Variants in CFAP54 observed in about 807,000 individuals in gnomAD.
CFAP54 encodes the protein cilia and flagella associated protein 54, also known as cilia- and flagella-associated protein 54.
A neutral mutation model predicts 370.4 loss-of-function variants in CFAP54; 290 were observed. That is an observed-to-expected ratio of 0.78 (90% CI 0.71 to 0.86). CFAP54 has a LOEUF of 0.86. Among genes scored for constraint, CFAP54 ranks in the 40% least tolerant of loss-of-function variants. CFAP54 has a pLI of 0.00. For missense variants in CFAP54, 3,399 were observed against 3,528.7 expected (o/e 0.96, Z 0.93); for synonymous variants, 1,206 against 1,236.5 (o/e 0.98, Z 0.52).
rs181000647 is a variant in CFAP54, at chr12:96,516,873, A to C, written c.799-2055A>C. 3.8e-3 allele frequency among the ~76,000 whole-genome samples: 585 copies of C among 152,318 alleles called. 5 individuals carry two copies. Among genetic ancestry groups the C allele is most frequent in the Middle Eastern group, 0.014 (4 of 294 alleles). ...TTTTCTTTAAATGGTGTAAGCTGAT[A>C]TAAATGAGGCTGCAGCGCCATCCTG... On this transcript the variant is annotated intron_variant, in intron 5 of 67. Transcript: ENST00000524981.
At chr12:96,778,360 T>G (rs11108693) in intron 60 of CFAP54, among the ~76,000 whole-genome samples, 60,543 of 152,078 alleles carry the variant, frequency 0.4, 13,056 homozygotes, top group African/African-American at 0.56. Context: ...AACAAATAAT[T>G]TTTTTGGCTC....
At position 96,534,282 on chromosome 12, in the gene CFAP54, A is replaced by G. The variant is rs149726662; in HGVS notation, c.1705+55A>G. Reference sequence around the variant, plus strand: ...TTAGTTTGACGAAATATGCTCTTTTATAGATATGGTGAGAGAAAGGATGTT... The same window carrying G: ...TTAGTTTGACGAAATATGCTCTTTTGTAGATATGGTGAGAGAAAGGATGTT... On this transcript the variant is annotated intron_variant, in intron 11 of 67. Coordinates refer to ENST00000524981, the MANE Select transcript of CFAP54 (RefSeq NM_001306084.2). 4.0e-6 allele frequency: 4 copies of G among 1,001,508 alleles called. No homozygotes were observed. In the African/African-American group the frequency reaches 6.5e-5, roughly 16 times the overall value. 62.0% of individuals were successfully genotyped at this position (1,001,508 alleles called of 1,614,324 possible).
At chr12:96,825,310 A>C (rs1266738330) in intron 65 of CFAP54, among the ~76,000 whole-genome samples, 1 of 127,798 alleles carries the variant, frequency 7.8e-6, no homozygotes, top group South Asian at 2.2e-4. Flanking sequence ...TTATATATAT[A>C]ATATAATATA....
Position 96,512,995 on chromosome 12 carries a change from A to G in CFAP54, c.749A>G (p.Tyr250Cys), listed in dbSNP as rs1426225295. The part of the protein sequence containing the change: ...LCWIIFNGTI[Y>C]IYTICRKLMV... ...CGTTTTCTCCATCCAGGTACCATTT[A>G]TATTTACACCATTTGCAGAAAACTG... The change falls in exon 5 of 68, where the codon TAT (tyrosine) becomes TGT (cysteine). Residue 250 changes from tyrosine to cysteine, a missense_variant. Tyr to Cys is a radical substitution (Grantham distance 194, BLOSUM62 -2). Around this residue, in one of 3 missense-constraint regions of CFAP54, gnomAD observed 559 missense variants for 576.7 expected, o/e 0.97. Coordinates refer to ENST00000524981, the MANE Select transcript of CFAP54 (RefSeq NM_001306084.2). The G allele has an allele frequency of 2.0e-6, 3 of 1,516,800 alleles. No homozygotes were observed. Among genetic ancestry groups the G allele is most frequent in the South Asian group, 1.2e-5 (1 of 80,550 alleles). The allele number at this position is 1,516,800 out of a possible 1,614,324, so 94.0% of individuals were successfully genotyped here.
chr12:96,708,461 C>G lies in CFAP54; in HGVS notation c.6529-147C>G, dbSNP rs942268447. 9.6e-6 allele frequency: 6 copies of G among 627,878 alleles called. No individual in the cohort carries two copies. The African/African-American group carries it at 1.1e-4, about 12-fold the overall frequency. The allele number at this position is 627,878 out of a possible 1,614,324, so 38.9% of individuals were successfully genotyped here. On this transcript the variant is annotated intron_variant, in intron 47 of 67. Transcript: ENST00000524981. ...GATGGTTCCGATGTTACATGTCTCT[C>G]TCAGTAGACCTCCCATTTACAATAC...
intron 9 of CFAP54, among the ~76,000 whole-genome samples, chr12:96,528,896 T>C (rs776412841): frequency 1.3e-5 from 2 of 152,190 alleles, no homozygotes; most frequent in Non-Finnish European, 2.9e-5. Flanking sequence ...TGTTATTATT[T>C]ACATTAAATG....
intron 66 of CFAP54, among the ~76,000 whole-genome samples, chr12:96,842,539 T>C (rs905139627): frequency 4.9e-4 from 74 of 152,220 alleles, no homozygotes; most frequent in African/African-American, 1.7e-3. Context: ...CATTTTGAGA[T>C]TGGCCTTTTT....
In CFAP54 at chr12:96,667,537, G is replaced by A. The variant is rs147862272; in HGVS notation, c.5563+3605G>A. ...CTTGCACCCTCTGAAGCCATGGCCC[G>A]AGCTGTACCTTAACCCCTTCTAGCT... On this transcript the variant is annotated intron_variant, in intron 39 of 67. Transcript: ENST00000524981. Among the ~76,000 whole-genome samples the A allele has an allele frequency of 5.2e-3, 787 of 152,276 alleles. 2 individuals carry two copies. The highest frequency in any genetic ancestry group is 0.01 in the Middle Eastern group (3 of 294).
chr12:96,703,807 T>G (rs1291019117), intron 46 of CFAP54, among the ~76,000 whole-genome samples: 1 of 152,046 alleles, frequency 6.6e-6, no homozygotes, highest in African/African-American at 2.4e-5. Flanking sequence ...TGGGTGGGAG[T>G]GTAAATTGAG....
intron 15 of CFAP54, among the ~76,000 whole-genome samples, chr12:96,553,056 A>G (rs1338586495): frequency 6.6e-6 from 1 of 152,206 alleles, no homozygotes; most frequent in Non-Finnish European, 1.5e-5. Flanking sequence ...TCTTAGGTTC[A>G]CAGAGGCTTC....
Position 96,679,735 on chromosome 12 carries a change from T to G in CFAP54, c.5699T>G (p.Phe1900Cys). 6.2e-7 allele frequency: 1 copy of G among 1,612,992 alleles called. No individual in the cohort carries two copies. The highest frequency in any genetic ancestry group is 8.5e-7 in the Non-Finnish European group (1 of 1,179,448). The change falls in exon 40 of 68, where the codon TTT (phenylalanine) becomes TGT (cysteine). Residue 1900 changes from phenylalanine (F) to cysteine (C), a missense_variant. Transcript: ENST00000524981. Reference sequence around the variant, plus strand: ...CACAGCAGAAAGTTGCTTTCATTATTTCTTGCACAGACACAAGGTAAAATG... The same window carrying G: ...CACAGCAGAAAGTTGCTTTCATTATGTCTTGCACAGACACAAGGTAAAATG... ...IRHSRKLLSL[F>C]LAQTQDVLQA...
At chr12:96,634,700 G>T (rs1462234635) in intron 32 of CFAP54, among the ~76,000 whole-genome samples, 1 of 152,030 alleles carries the variant, frequency 6.6e-6, no homozygotes, top group Admixed American at 6.6e-5. Flanking sequence ...CCCCTGCTAA[G>T]TTTTATGGTT....
chr12:96,552,735 G>A (rs115960931), intron 15 of CFAP54, among the ~76,000 whole-genome samples: 1,890 of 152,310 alleles, frequency 0.012, 58 homozygotes, highest in African/African-American at 0.044. Context: ...TAGCTGTGAG[G>A]ATAAATGAAC....
In CFAP54 at chr12:96,744,223, T is replaced by C. The variant is rs549841538; in HGVS notation, c.7684+77T>C. ...AGTTATTTTTAGGCAGGCTATCATA[T>C]GAGTGCATTTAAAAGAGGCAATATT... On this transcript the variant is annotated intron_variant, in intron 55 of 67. Coordinates refer to ENST00000524981, the MANE Select transcript of CFAP54 (RefSeq NM_001306084.2). 9.0e-5 allele frequency: 115 copies of C among 1,281,732 alleles called. No homozygotes were observed. The Admixed American group carries it at 1.3e-3, about 14-fold the overall frequency. The allele number at this position is 1,281,732 out of a possible 1,614,324, so 79.4% of individuals were successfully genotyped here. A position where few individuals can be genotyped will look rare whatever the true frequency, so the allele number is the denominator to read the frequency against.
intron 66 of CFAP54, among the ~76,000 whole-genome samples, chr12:96,857,466 T>C (rs1021125335): frequency 4.6e-5 from 7 of 152,216 alleles, no homozygotes; most frequent in African/African-American, 1.7e-4. Flanking sequence ...AAAGACATGA[T>C]CACGTTCTTC....
intron 39 of CFAP54, among the ~76,000 whole-genome samples, chr12:96,677,258 T>C (rs1565939147): frequency 6.6e-6 from 1 of 152,076 alleles, no homozygotes; most frequent in Non-Finnish European, 1.5e-5. Flanking sequence ...GGATCCTCCC[T>C]GCCTCATCCT....
rs148855614 is a variant in CFAP54 at position 96,712,136 on chromosome 12, A to ATT, written c.6724+3340_6724+3341dup. The stretch of plus-strand genomic sequence containing the variant: ...TAGTTTGATATTTATACATTATACT[A>ATT]TTTTTTTTCCATCCAATGGTTGTTT... On this transcript the variant is annotated intron_variant, in intron 48 of 67. Transcript: ENST00000524981. Among the ~76,000 whole-genome samples the ATT allele has an allele frequency of 4.6e-5, 7 of 151,696 alleles. No homozygotes were observed. The East Asian group carries it at 1.4e-3, about 29-fold the overall frequency.
At chr12:96,693,490 A>G (rs1471095460) in intron 44 of CFAP54, among the ~76,000 whole-genome samples, 3 of 152,190 alleles carry the variant, frequency 2.0e-5, no homozygotes, top group Non-Finnish European at 4.4e-5. Flanking sequence ...TGGGGTACCA[A>G]ATGGCATCTA....
At chr12:96,652,497 G>T (rs1320093244) in intron 36 of CFAP54, among the ~76,000 whole-genome samples, 1 of 152,136 alleles carries the variant, frequency 6.6e-6, no homozygotes, top group Non-Finnish European at 1.5e-5. Context: ...TAGTGAAAAA[G>T]AGACATAGCT....
Sources: allele counts gnomAD v4.1 joint callset (sites outside exome capture counted in the v4.1 genomes callset), GRCh38; gene constraint gnomAD v4.1.1; regional missense constraint gnomAD v4.1.1; transcripts MANE v1.5; gene names NCBI Gene and HGNC (gene_info 2026-07-23, HGNC 2026-07-21).